Variants in FAM135A observed in about 807,000 individuals in gnomAD.
FAM135A encodes protein FAM135A.
A neutral mutation model predicts 146.8 loss-of-function variants in FAM135A; 79 were observed. The observed-to-expected ratio is 0.54, with a 90% confidence interval of 0.45 to 0.65. FAM135A has a LOEUF of 0.65. FAM135A is among the 30% of genes least tolerant of loss of function. The pLI is 0.00. For synonymous variants in FAM135A, 562 were observed against 603.6 expected, an observed-to-expected ratio of 0.93 and a Z score of 1.01; for missense variants, 1,623 against 1,758.2, an observed-to-expected ratio of 0.92 and a Z score of 1.38.
intron 16 of FAM135A, 122 bp from the exon 17 acceptor site, chr6:70,533,038 A>G (rs956311499): frequency 2.6e-5 from 19 of 739,180 alleles, no homozygotes; most frequent in Admixed American, 5.0e-5. Context: ...TTCATTGTAT[A>G]TTGTCTGTTC....
chr6:70,552,615 C>G (rs1800047979), intron 20 of FAM135A, among the ~76,000 whole-genome samples: 1 of 151,844 alleles, frequency 6.6e-6, no homozygotes, highest in African/African-American at 2.4e-5. Flanking sequence ...ATTACAGGTG[C>G]CTGCCACCGT....
At chr6:70,447,582 G>T (rs1387571938) in intron 4 of FAM135A, among the ~76,000 whole-genome samples, 1 of 152,180 alleles carries the variant, frequency 6.6e-6, no homozygotes, top group Non-Finnish European at 1.5e-5. Context: ...ACCGGCTGTG[G>T]CGGGGGACAG....
At chr6:70,451,702 T>C (rs984763251) in intron 4 of FAM135A, among the ~76,000 whole-genome samples, 2 of 152,186 alleles carry the variant, frequency 1.3e-5, no homozygotes, top group African/African-American at 4.8e-5. Flanking sequence ...AAATTTAATA[T>C]CTGAAACCGC....
intron 4 of FAM135A, among the ~76,000 whole-genome samples, chr6:70,433,742 G>A (rs1005633316): frequency 6.6e-6 from 1 of 151,998 alleles, no homozygotes; most frequent in South Asian, 2.1e-4. Context: ...TTAGAAAATT[G>A]TATTTTTGCT....
At chr6:70,441,905 G>A (rs1047221835) in intron 4 of FAM135A, among the ~76,000 whole-genome samples, 2 of 151,806 alleles carry the variant, frequency 1.3e-5, no homozygotes, top group Non-Finnish European at 2.9e-5. Flanking sequence ...GGCTGGTCTC[G>A]TACTCCTGAC....
intron 5 of FAM135A, among the ~76,000 whole-genome samples, chr6:70,460,514 A>G (rs1459642397): frequency 6.6e-6 from 1 of 152,184 alleles, no homozygotes; most frequent in African/African-American, 2.4e-5. Flanking sequence ...GAAAACAAGT[A>G]TTTGCACTTT....
rs780830524 is a variant in FAM135A at position 70,428,295 on chromosome 6, T to A, written c.-39-9T>A. On this transcript the variant is annotated splice_polypyrimidine_tract_variant and intron_variant, in intron 3 of 21. Coordinates refer to ENST00000418814, the MANE Select transcript of FAM135A (RefSeq NM_001162529.3). ...GCTTCTCATGATTTTTTCCCTTTCC[T>A]TAACAAAGGTGCTGTTATCAGAATA... 5 of 1,359,562 alleles carry A rather than the reference T, an allele frequency of 3.7e-6. No individual in the cohort carries two copies. The highest frequency in any genetic ancestry group is 4.0e-6 in the Non-Finnish European group (4 of 998,760). 84.2% of individuals were successfully genotyped at this position (1,359,562 alleles called of 1,614,324 possible).
chr6:70,453,397 A>T (rs1213923762), intron 5 of FAM135A, among the ~76,000 whole-genome samples: 4 of 152,032 alleles, frequency 2.6e-5, no homozygotes, highest in Non-Finnish European at 4.4e-5. Context: ...ATGTTGGTTA[A>T]TGTTAAATTT....
rs144795131 is a variant in FAM135A, at chr6:70,543,998, C to T, written c.4228+5597C>T. Among the ~76,000 whole-genome samples the T allele has an allele frequency of 5.2e-3, 785 of 151,778 alleles. 5 individuals are homozygous for T. The highest frequency in any genetic ancestry group is 0.018 in the African/African-American group (735 of 41,334). On this transcript the variant is annotated intron_variant, in intron 20 of 21. Coordinates refer to ENST00000418814, the MANE Select transcript of FAM135A (RefSeq NM_001162529.3). ...CTAGGCTACCTAATTTAAATAAACT[C>T]GTTTCCTTATTGGTCAATGAGAATA...
In FAM135A at chr6:70,417,789, G is replaced by A. The variant is rs76094851; in HGVS notation, c.-134+2413G>A. On this transcript the variant is annotated intron_variant, in intron 2 of 21. Transcript: ENST00000418814. ...TCAGCCCTTATTGGCAATAAAAAAT[G>A]TAAGACTGTGGAAGCCTGTATACCC... 536 of 191,462 alleles carry A rather than the reference G, an allele frequency of 2.8e-3. 6 individuals are homozygous for A. Among genetic ancestry groups the A allele is most frequent in the African/African-American group, 0.012 (521 of 42,202 alleles). 11.9% of individuals were successfully genotyped at this position (191,462 alleles called of 1,614,324 possible).
At position 70,524,377 on chromosome 6, in the gene FAM135A, TC is replaced by T; in HGVS notation, c.1294del (p.Gln432ArgfsTer18). On this transcript the variant is annotated frameshift_variant, in exon 15 of 22. Coordinates refer to ENST00000418814, the MANE Select transcript of FAM135A (RefSeq NM_001162529.3). LOFTEE classifies it high-confidence loss of function. ...DAPWMGIQNL[Q>X]RSESSKMDKY... ...CACCCTGGATGGGAATTCAGAATCT[TC>T]AGAGATCAGAGTCCAGTAAAATGGA... 6.7e-7 allele frequency: 1 copy of T among 1,501,448 alleles called. No homozygotes were observed. Among genetic ancestry groups the T allele is most frequent in the Non-Finnish European group, 8.8e-7 (1 of 1,130,994 alleles). The allele number at this position is 1,501,448 out of a possible 1,614,324, so 93.0% of individuals were successfully genotyped here.
intron 12 of FAM135A, among the ~76,000 whole-genome samples, chr6:70,512,141 C>G (rs143135868): frequency 2.6e-4 from 40 of 152,054 alleles, no homozygotes; most frequent in African/African-American, 9.6e-4. Context: ...CCATAAGCAA[C>G]TACTGTCTTG....
rs564020158 is a variant in FAM135A at position 70,515,022 on chromosome 6, C to T, written c.1030-7491C>T. 5.9e-5 allele frequency among the ~76,000 whole-genome samples: 9 copies of T among 152,222 alleles called. No individual in the cohort carries two copies. The East Asian group carries it at 9.6e-4, about 16-fold the overall frequency. ...TTCTGTATGGGGGAAATAAAATATCCGTTATCATATGTTATTAGAGAATTA... is the reference window on the plus strand; with the variant it reads ...TTCTGTATGGGGGAAATAAAATATCTGTTATCATATGTTATTAGAGAATTA... On this transcript the variant is annotated intron_variant, in intron 12 of 21. Transcript: ENST00000418814.
intron 10 of FAM135A, among the ~76,000 whole-genome samples, chr6:70,484,394 T>G (rs1562500281): frequency 6.6e-6 from 1 of 152,208 alleles, no homozygotes; most frequent in Non-Finnish European, 1.5e-5. Context: ...AAAAATCCTC[T>G]CTAAAAGGTA....
At chr6:70,494,823 CTTTA>C (rs1455701948) in intron 11 of FAM135A, among the ~76,000 whole-genome samples, 3 of 151,870 alleles carry the variant, frequency 2.0e-5, no homozygotes, top group South Asian at 2.1e-4. Context: ...GAGTTGTGTA[CTTTA>C]TTTATTTATT....
rs528422174 is a variant in FAM135A at position 70,498,460 on chromosome 6, C to T, written c.874-4176C>T. Among the ~76,000 whole-genome samples, 349 of 151,766 alleles carry T rather than the reference C, an allele frequency of 2.3e-3. 11 individuals are homozygous for T. In the South Asian group the frequency reaches 0.062, roughly 27 times the overall value. Reference sequence around the variant, plus strand: ...TTCATTGATTTTCTTAAAGGTTTTTCGTGTCTCTATCTCCTTCAGTTCTGG... The same window carrying T: ...TTCATTGATTTTCTTAAAGGTTTTTTGTGTCTCTATCTCCTTCAGTTCTGG... On this transcript the variant is annotated intron_variant, in intron 11 of 21. Transcript: ENST00000418814.
chr6:70,484,871 G>C (rs556461075), intron 10 of FAM135A, among the ~76,000 whole-genome samples: 1 of 152,292 alleles, frequency 6.6e-6, no homozygotes, highest in South Asian at 2.1e-4. Context: ...GCTTCAGCAT[G>C]ATCATGTATT....
rs1309600390 is a variant in FAM135A at position 70,502,805 on chromosome 6, A to C, written c.1029+14A>C. 2 of 1,598,176 alleles carry C rather than the reference A, an allele frequency of 1.3e-6. No individual in the cohort carries two copies. The highest frequency in any genetic ancestry group is 3.5e-5 in the Admixed American group (2 of 57,648). On this transcript the variant is annotated intron_variant, in intron 12 of 21. Transcript: ENST00000418814. ...CATACTTTGAGGGTAAGTTAAAGAGAAGTGATTTTAGAGCATTTTAATGAG... is the reference window on the plus strand; with the variant it reads ...CATACTTTGAGGGTAAGTTAAAGAGCAGTGATTTTAGAGCATTTTAATGAG...
At position 70,495,996 on chromosome 6, in the gene FAM135A, C is replaced by T. The variant is rs186039312; in HGVS notation, c.873+4913C>T. On this transcript the variant is annotated intron_variant, in intron 11 of 21. Coordinates refer to ENST00000418814, the MANE Select transcript of FAM135A (RefSeq NM_001162529.3). The stretch of plus-strand genomic sequence containing the variant: ...CCTTTTTTATGGCTGCATAGTATTC[C>T]ATGGTGTATATGTGCCACATTTTCT... Among the ~76,000 whole-genome samples, 95 of 152,252 alleles carry T rather than the reference C, an allele frequency of 6.2e-4. 1 individual carries two copies. Among genetic ancestry groups the T allele is most frequent in the Admixed American group, 1.4e-3 (21 of 15,298 alleles).
Sources: gnomAD v4.1 joint callset for allele counts (sites outside exome capture counted in the v4.1 genomes callset) on GRCh38, gnomAD v4.1.1 for gene constraint, MANE v1.5 for transcripts, NCBI Gene and HGNC (gene_info 2026-07-23, HGNC 2026-07-21) for gene names.